Variants in CDH7 observed in about 807,000 individuals in gnomAD.
CDH7 encodes the protein cadherin 7.
A neutral mutation model predicts 71.8 loss-of-function variants in CDH7; 25 were observed. That is an observed-to-expected ratio of 0.35 (90% CI 0.25 to 0.49). The LOEUF is 0.49. CDH7 is among the 20% of genes least tolerant of loss of function. CDH7 has a pLI of 0.99. For synonymous variants in CDH7, 381 were observed against 363.8 expected (o/e 1.05, Z -0.54); for missense variants, 862 against 974.6 (o/e 0.88, Z 1.54).
rs77926594 is a variant in CDH7 at position 65,799,204 on chromosome 18, G to A, written c.211-10500G>A. 6.5e-3 allele frequency among the ~76,000 whole-genome samples: 990 copies of A among 152,164 alleles called. 10 individuals are homozygous for A. Among genetic ancestry groups the A allele is most frequent in the African/African-American group, 0.023 (949 of 41,524 alleles). On this transcript the variant is annotated intron_variant, in intron 2 of 11. Coordinates refer to ENST00000397968, the MANE Select transcript of CDH7 (RefSeq NM_004361.5). The stretch of plus-strand genomic sequence containing the variant: ...AGGTAAGAGAAGCCCACCTGCTCCT[G>A]ATGATCAAGATAGGTTACACCTACG...
Position 65,883,210 on chromosome 18 carries a change from C to T in CDH7, c.*2316C>T, listed in dbSNP as rs1914280060. ...ATTATATGAATACAGTATTACATTT[C>T]ATTCAGTGGTATTTTTTAATTAAAA... On this transcript the variant is annotated 3_prime_UTR_variant, in exon 12 of 12. Coordinates refer to ENST00000397968, the MANE Select transcript of CDH7 (RefSeq NM_004361.5). The T allele has an allele frequency of 6.6e-6, 1 of 151,790 alleles. No individual in the cohort carries two copies. The highest frequency in any genetic ancestry group is 2.1e-4 in the South Asian group (1 of 4,818). 9.4% of individuals were successfully genotyped at this position (151,790 alleles called of 1,614,324 possible). A position where few individuals can be genotyped will look rare whatever the true frequency, so the allele number is the denominator to read the frequency against.
intron 7 of CDH7, among the ~76,000 whole-genome samples, chr18:65,850,173 A>ATATAT (rs145348057): frequency 0.36 from 23,009 of 64,660 alleles, 2,248 homozygotes; most frequent in South Asian, 0.44. Context: ...CACTATATAT[A>ATATAT]ATATATATAT....
At chr18:65,873,422 G>A (rs766918559) in intron 11 of CDH7, among the ~76,000 whole-genome samples, 28 of 152,102 alleles carry the variant, frequency 1.8e-4, no homozygotes, top group Admixed American at 3.9e-4. Flanking sequence ...AAATTTTCAC[G>A]TAGCTTTATT....
intron 1 of CDH7, among the ~76,000 whole-genome samples, chr18:65,757,377 C>T (rs962861628): frequency 2.0e-5 from 3 of 151,932 alleles, no homozygotes; most frequent in African/African-American, 7.2e-5. Context: ...GGGATTTTTA[C>T]CTCTTGTTTT....
intron 6 of CDH7, among the ~76,000 whole-genome samples, chr18:65,832,451 A>G (rs1912385044): frequency 6.6e-6 from 1 of 152,056 alleles, no homozygotes; most frequent in Non-Finnish European, 1.5e-5. Context: ...GTTTATTAAT[A>G]TGACAAAATA....
At chr18:65,862,001 T>C (rs190593645) in intron 10 of CDH7, among the ~76,000 whole-genome samples, 2 of 152,288 alleles carry the variant, frequency 1.3e-5, no homozygotes, top group African/African-American at 4.8e-5. Context: ...TATTGATCAC[T>C]TGTTTAAAGT....
At chr18:65,817,276 T>A (rs913189683) in intron 4 of CDH7, among the ~76,000 whole-genome samples, 16 of 152,252 alleles carry the variant, frequency 1.1e-4, no homozygotes, top group African/African-American at 3.9e-4. Context: ...GGTATCGTCA[T>A]AACAAGTGAC....
chr18:65,803,926 A>T (rs913300121), intron 2 of CDH7: 1 of 151,556 alleles, frequency 6.6e-6, no homozygotes, highest in Admixed American at 6.6e-5. Context: ...ACACAAATGC[A>T]ATAGCAGTAT....
Position 65,809,836 on chromosome 18 carries a change from C to T in CDH7, c.343C>T (p.Gln115Ter). The part of the protein sequence containing the change: ...HATKRLDREE[Q>*]AYYTLRAQAL... ...CACCAAGAGACTGGATCGTGAGGAG[C>T]AGGCCTACTACACGCTCCGAGCTCA... Residue 115 changes from glutamine (Q) to a stop codon, truncating the protein, a stop_gained, in exon 3 of 12, where the codon CAG becomes TAG. Coordinates refer to ENST00000397968, the MANE Select transcript of CDH7 (RefSeq NM_004361.5). LOFTEE classifies it high-confidence loss of function. 6.2e-7 allele frequency: 1 copy of T among 1,613,828 alleles called. No individual in the cohort carries two copies. The highest frequency in any genetic ancestry group is 8.5e-7 in the Non-Finnish European group (1 of 1,179,914).
chr18:65,811,099 T>C (rs538932996), intron 3 of CDH7, among the ~76,000 whole-genome samples: 1 of 152,126 alleles, frequency 6.6e-6, no homozygotes, highest in East Asian at 1.9e-4. Flanking sequence ...TATATTTATT[T>C]CCTGCTGTTT....
chr18:65,819,577 C>A (rs2143930345), intron 4 of CDH7, among the ~76,000 whole-genome samples: 1 of 152,090 alleles, frequency 6.6e-6, no homozygotes, highest in Non-Finnish European at 1.5e-5. Context: ...TTTTAGAATT[C>A]TTAGAATAGC....
At chr18:65,861,642 C>G (rs1913569681) in intron 10 of CDH7, among the ~76,000 whole-genome samples, 1 of 152,126 alleles carries the variant, frequency 6.6e-6, no homozygotes, top group Non-Finnish European at 1.5e-5. Context: ...TTATTACTGT[C>G]TCTTCTATAA....
intron 2 of CDH7, among the ~76,000 whole-genome samples, chr18:65,796,675 A>G (rs1419364353): frequency 1.3e-5 from 2 of 152,166 alleles, no homozygotes; most frequent in East Asian, 3.9e-4. Flanking sequence ...GTTGTCCAAC[A>G]TCAGAGCGAC....
At chr18:65,767,942 A>G (rs1916425886) in intron 2 of CDH7, among the ~76,000 whole-genome samples, 1 of 152,186 alleles carries the variant, frequency 6.6e-6, no homozygotes, top group African/African-American at 2.4e-5. Context: ...TTAACTTAAA[A>G]AGTCACCTCA....
At chr18:65,831,987 G>A (rs1289704973) in intron 6 of CDH7, among the ~76,000 whole-genome samples, 1 of 152,038 alleles carries the variant, frequency 6.6e-6, no homozygotes, top group Non-Finnish European at 1.5e-5. Context: ...CTCAGATGTT[G>A]ACAAGATTTT....
chr18:65,767,145 T>C (rs1916403881), intron 2 of CDH7, among the ~76,000 whole-genome samples: 1 of 150,908 alleles, frequency 6.6e-6, no homozygotes, highest in Non-Finnish European at 1.5e-5. Flanking sequence ...TCAGGGAAAG[T>C]TTATACCTAT....
chr18:65,823,761 A>G lies in CDH7; in HGVS notation c.794-883A>G, dbSNP rs117929511. On this transcript the variant is annotated intron_variant, in intron 5 of 11. Transcript: ENST00000397968. ...CCTTTCTATATTCTTCTCAGAGAGA[A>G]TCCTTTCTTATCCCTTCACAAGACA... Among the ~76,000 whole-genome samples, 114 of 152,066 alleles carry G rather than the reference A, an allele frequency of 7.5e-4. No homozygotes were observed. The East Asian group carries it at 0.02, about 27-fold the overall frequency.
intron 2 of CDH7, among the ~76,000 whole-genome samples, chr18:65,798,347 G>T (rs573922596): frequency 6.6e-6 from 1 of 152,330 alleles, no homozygotes; most frequent in South Asian, 2.1e-4. Context: ...CTTCTGATCA[G>T]CAAGTACACA....
At chr18:65,766,086 A>G (rs1232884151) in intron 2 of CDH7, among the ~76,000 whole-genome samples, 1 of 152,074 alleles carries the variant, frequency 6.6e-6, no homozygotes, top group Non-Finnish European at 1.5e-5. Context: ...TTATGTTCTA[A>G]TAGTGTTTAT....
Sources: allele counts gnomAD v4.1 joint callset (sites outside exome capture counted in the v4.1 genomes callset), GRCh38; gene constraint gnomAD v4.1.1; transcripts MANE v1.5; gene names NCBI Gene and HGNC (gene_info 2026-07-23, HGNC 2026-07-21).